The following CDHR4 variants were observed in gnomAD, a reference collection of about 807,000 sequenced individuals.
CDHR4 encodes cadherin related family member 4.
A neutral mutation model predicts 88.4 loss-of-function variants in CDHR4; 89 were observed. The ratio of observed to expected loss-of-function variants is 1.01; its 90% confidence interval spans 0.85 to 1.20. The LOEUF (loss-of-function observed/expected upper bound fraction) is 1.20, where lower values mean the gene tolerates loss of function less well. Among genes scored for constraint, CDHR4 ranks in the 50% most tolerant of loss-of-function variants. The pLI is 0.00. For synonymous variants in CDHR4, 368 were observed against 399.2 expected (o/e 0.92, Z 0.93); for missense variants, 914 against 1,007.2 (o/e 0.91, Z 1.25).
At chr3:49,791,187 C>G (rs978758556) in intron 18 of CDHR4, among the ~76,000 whole-genome samples, 1 of 152,200 alleles carries the variant, frequency 6.6e-6, no homozygotes. Context: ...GGCCTCTCCC[C>G]TCACCATCAT....
chr3:49,802,237 G>C (rs1445070827), upstream of CDHR4, among the ~76,000 whole-genome samples: 3 of 151,476 alleles, frequency 2.0e-5, no homozygotes, highest in Non-Finnish European at 4.4e-5. Flanking sequence ...GCAGTGGCGC[G>C]ATCTCCGCTC....
At chr3:49,797,715 C>T (rs2081292589) in intron 4 of CDHR4, among the ~76,000 whole-genome samples, 1 of 151,752 alleles carries the variant, frequency 6.6e-6, no homozygotes, top group African/African-American at 2.4e-5. Flanking sequence ...CTCCTGACCT[C>T]CAGTGATCCA....
In CDHR4 at chr3:49,799,829, A is replaced by G. The variant is rs779916195; in HGVS notation, c.-17T>C. 6.2e-7 allele frequency: 1 copy of G among 1,613,748 alleles called. No homozygotes were observed. The highest frequency in any genetic ancestry group is 8.5e-7 in the Non-Finnish European group (1 of 1,179,692). On this transcript the variant is annotated 5_prime_UTR_variant, in exon 1 of 19. Transcript: ENST00000412678. ...CAGCACCATGATGACCTGAAGACAC[A>G]GACAGCAGAGGAGGCTTCAGAAAGC...
rs760093411 is a variant in CDHR4 at position 49,792,655 on chromosome 3, C to G, written c.1996-45G>C. The G allele has an allele frequency of 7.7e-6, 12 of 1,548,418 alleles. No homozygotes were observed. In the African/African-American group the frequency reaches 1.1e-4, roughly 14 times the overall value. On this transcript the variant is annotated intron_variant, in intron 14 of 18. Transcript: ENST00000412678. ...CTCACCACTGCCTTGCCAAAATGCC[C>G]TGACCATCCAGCCTTCCAACCCTTC...
At position 49,795,982 on chromosome 3, in the gene CDHR4, AC is replaced by A; in HGVS notation, c.670del (p.Val224Ter). On this transcript the variant is annotated frameshift_variant, in exon 6 of 19. Coordinates refer to ENST00000412678, the MANE Select transcript of CDHR4 (RefSeq NM_001007540.4). LOFTEE classifies it high-confidence loss of function. The surrounding 1 kb of genome is among the most constrained non-coding windows in gnomAD (Gnocchi z 5.4). ...QRQSCQGMVI[V>X]KVLPVPSSQV... ...GCTGGAGGGAACAGGCAAAACCTTCACTATCACCATCCCTTGGCAGCTTTGC... is the reference window on the plus strand; with the variant it reads ...GCTGGAGGGAACAGGCAAAACCTTCATATCACCATCCCTTGGCAGCTTTGC... 1 of 1,545,620 alleles carries A rather than the reference AC, an allele frequency of 6.5e-7. No homozygotes were observed. Among genetic ancestry groups the A allele is most frequent in the African/African-American group, 1.4e-5 (1 of 72,898 alleles).
At position 49,799,801 on chromosome 3, in the gene CDHR4, G is replaced by GAGC; in HGVS notation, c.9_11dup (p.Leu4dup). On this transcript the variant is annotated inframe_insertion, in exon 1 of 19. Coordinates refer to ENST00000412678, the MANE Select transcript of CDHR4 (RefSeq NM_001007540.4). ...GAGCAAAGAGGAACACGAGGAGCCTGAGCAGCACCATGATGACCTGAAGAC... is the reference window on the plus strand; with the variant it reads ...GAGCAAAGAGGAACACGAGGAGCCTGAGCAGCAGCACCATGATGACCTGAAGAC... 6.2e-7 allele frequency: 1 copy of GAGC among 1,613,952 alleles called. No individual in the cohort carries two copies. Among genetic ancestry groups the GAGC allele is most frequent in the South Asian group, 1.1e-5 (1 of 91,066 alleles).
chr3:49,797,113 C>G, intron 4 of CDHR4, 81 bp from the exon 5 acceptor site: 1 of 1,072,976 alleles, frequency 9.3e-7, no homozygotes, highest in Non-Finnish European at 1.4e-6. Context: ...CAGCAACCCT[C>G]CAGCAACCCA....
Position 49,795,234 on chromosome 3 carries a change from G to T in CDHR4, c.993C>A (p.Val331=), listed in dbSNP as rs772181772. The change falls in exon 8 of 19, where the codon GTC becomes GTA. Residue 331 remains valine (V), a synonymous_variant. Coordinates refer to ENST00000412678, the MANE Select transcript of CDHR4 (RefSeq NM_001007540.4). This position sits in a 1 kb window ranked among gnomAD's most constrained non-coding sequence, Gnocchi z 5.4. ...GGAGGCAGCGTGGAGGCCAGAGGTT[G>T]ACCAGCTGCACATTCATGGTGAGAT... is the stretch of plus-strand genomic sequence containing the variant. ...KLNLTMNVQL[V]NLWPPRCLPA... is the part of the protein sequence containing the mutation. 1 of 1,551,668 alleles carries T rather than the reference G, an allele frequency of 6.4e-7. No homozygotes were observed. The highest frequency in any genetic ancestry group is 1.2e-5 in the South Asian group (1 of 84,050).
chr3:49,792,342 C>G (rs2081191665), intron 15 of CDHR4, 126 bp downstream of exon 15: 1 of 1,220,286 alleles, frequency 8.2e-7, no homozygotes, highest in Non-Finnish European at 1.1e-6. Context: ...AGTAGCCCTC[C>G]TCAATATCAG....
At chr3:49,791,377 G>A in intron 18 of CDHR4, 64 bp downstream of exon 18, 1 of 1,487,136 alleles carries the variant, frequency 6.7e-7, no homozygotes, top group East Asian at 2.5e-5. Context: ...GGTAAAGAGA[G>A]GAGGAGATAC....
rs1559723324 is a variant in CDHR4, at chr3:49,792,532, A to C, written c.2074T>G (p.Leu692Val). Residue 692 changes from leucine (L) to valine (V), a missense_variant, in exon 15 of 19, where the codon TTG becomes GTG. By Grantham distance (32) the Leu-to-Val change is conservative. Coordinates refer to ENST00000412678, the MANE Select transcript of CDHR4 (RefSeq NM_001007540.4). ...AGGAGAAGAGCACCAGTTGCTGTCA[A>C]CACCACCACAAACCAGGGCTGTGGC... is the stretch of plus-strand genomic sequence containing the variant. ...WQPQPWFVVV[L>V]TATGALLLLA... is the part of the protein sequence containing the mutation. 2 of 1,551,696 alleles carry C rather than the reference A, an allele frequency of 1.3e-6. No homozygotes were observed. The highest frequency in any genetic ancestry group is 1.2e-5 in the South Asian group (1 of 84,064).
intron 15 of CDHR4, 76 bp downstream of exon 15, chr3:49,792,392 G>T: frequency 6.6e-7 from 1 of 1,516,812 alleles, no homozygotes; most frequent in South Asian, 1.3e-5. Flanking sequence ...TCTAATCTTG[G>T]GTGAAACCAC....
chr3:49,799,713 G>T (rs2081334475), intron 1 of CDHR4, 51 bp downstream of exon 1: 3 of 1,584,992 alleles, frequency 1.9e-6, no homozygotes, highest in South Asian at 2.2e-5. Flanking sequence ...ATCTGGGAAG[G>T]GTCAGGACTC....
At chr3:49,796,729 T>C (rs1198288629) in intron 5 of CDHR4, among the ~76,000 whole-genome samples, 193 bp downstream of exon 5, 1 of 152,222 alleles carries the variant, frequency 6.6e-6, no homozygotes, top group Non-Finnish European at 1.5e-5. Context: ...GGGATTCCTC[T>C]TCTTTCTAGA....
In CDHR4 at chr3:49,795,250, A is replaced by G; in HGVS notation, c.977T>C (p.Met326Thr). ...CCAGAGGTTGACCAGCTGCACATTC[A>G]TGGTGAGATTGAGCTTGGCACTGGC... ...LWASAKLNLT[M>T]NVQLVNLWPP... Residue 326 changes from methionine (M) to threonine (T), a missense_variant, in exon 8 of 19, where the codon ATG becomes ACG. Coordinates refer to ENST00000412678, the MANE Select transcript of CDHR4 (RefSeq NM_001007540.4). This position sits in a 1 kb window ranked among gnomAD's most constrained non-coding sequence, Gnocchi z 5.4. 1.3e-6 allele frequency: 2 copies of G among 1,551,616 alleles called. No individual in the cohort carries two copies. Among genetic ancestry groups the G allele is most frequent in the Non-Finnish European group, 1.7e-6 (2 of 1,146,970 alleles).
At chr3:49,791,647 G>A in intron 17 of CDHR4, 67 bp downstream of exon 17, 1 of 1,519,996 alleles carries the variant, frequency 6.6e-7, no homozygotes, top group East Asian at 2.5e-5. Context: ...AAAAAGGCTT[G>A]GAGGGGGCAG....
In CDHR4 at chr3:49,793,215, A is replaced by G. The variant is rs1022265054; in HGVS notation, c.1720T>C (p.Cys574Arg). 1.3e-6 allele frequency: 2 copies of G among 1,551,562 alleles called. No homozygotes were observed. Among genetic ancestry groups the G allele is most frequent in the African/African-American group, 2.7e-5 (2 of 73,022 alleles). ...GRSVEVTKMS[C>R]QIPQEPQRLI... Reference sequence around the variant, plus strand: ...CGCTGTGGCTCCTGAGGGATCTGGCATGACATCTTGGTCACCTCCACGCTA... The same window carrying G: ...CGCTGTGGCTCCTGAGGGATCTGGCGTGACATCTTGGTCACCTCCACGCTA... Residue 574 changes from cysteine to arginine, a missense_variant, in exon 13 of 19, where the codon TGC becomes CGC. Transcript: ENST00000412678.
chr3:49,798,382 C>T (rs1241536582), intron 4 of CDHR4: 1 of 168,270 alleles, frequency 5.9e-6, no homozygotes, highest in Non-Finnish European at 1.3e-5. Flanking sequence ...GTCAGGAGAT[C>T]GAGACCATCC....
rs373915925 is a variant in CDHR4 at position 49,799,343 on chromosome 3, C to T, written c.144G>A (p.Thr48=). ...QFLSFNCSSY[T]PTPTLELLNV... ...TGAGCAACTCCAGGGTGGGTGTGGG[C>T]GTGTAGGAGGAGCAGTTGAAGGATA... The change falls in exon 2 of 19, where the codon ACG becomes ACA. Residue 48 remains threonine, a synonymous_variant. Transcript: ENST00000412678. 1.2e-4 allele frequency: 198 copies of T among 1,613,516 alleles called. No individual in the cohort carries two copies. In the African/African-American group the frequency reaches 1.6e-3, roughly 13 times the overall value.
Sources: allele counts gnomAD v4.1 joint callset (sites outside exome capture counted in the v4.1 genomes callset), GRCh38; gene constraint gnomAD v4.1.1; non-coding constraint Gnocchi (gnomAD v3.1); transcripts MANE v1.5; gene names NCBI Gene and HGNC (gene_info 2026-07-23, HGNC 2026-07-21).